The following MTUS2 variants were observed in gnomAD, a reference collection of about 807,000 sequenced individuals.
MTUS2 encodes microtubule-associated tumor suppressor candidate 2.
A neutral mutation model predicts 114.1 loss-of-function variants in MTUS2; 40 were observed. That is an observed-to-expected ratio of 0.35 (90% CI 0.27 to 0.46). The LOEUF (loss-of-function observed/expected upper bound fraction) is 0.46. Ranked by LOEUF, MTUS2 falls within the 20% of genes least tolerant of loss-of-function variation. The probability of loss-of-function intolerance (pLI) is 1.00; values close to 1 mark genes in which losing one functional copy is unlikely to be tolerated. For missense variants in MTUS2, 1,679 were observed against 1,705.4 expected, an observed-to-expected ratio of 0.98 and a Z score of 0.27; for synonymous variants, 688 against 672.0, an observed-to-expected ratio of 1.02 and a Z score of -0.37.
chr13:29,118,835 C>T (rs912647188), intron 5 of MTUS2, among the ~76,000 whole-genome samples: 2 of 152,128 alleles, frequency 1.3e-5, no homozygotes, highest in Admixed American at 1.3e-4. Flanking sequence ...ATCACATAAT[C>T]CCTGTGGGTG....
At chr13:29,387,987 A>G (rs950225987) in intron 8 of MTUS2, among the ~76,000 whole-genome samples, 9 of 152,292 alleles carry the variant, frequency 5.9e-5, no homozygotes, top group Non-Finnish European at 1.3e-4. Flanking sequence ...CACTCTGAAC[A>G]TGTGTTTACC....
At chr13:29,459,177 T>C (rs1406964488) in intron 9 of MTUS2, among the ~76,000 whole-genome samples, 1 of 152,166 alleles carries the variant, frequency 6.6e-6, no homozygotes. Context: ...GGGAAGCCAT[T>C]TTGGTTAAAA....
intron 9 of MTUS2, among the ~76,000 whole-genome samples, chr13:29,464,614 C>T (rs1041647065): frequency 6.6e-6 from 1 of 152,124 alleles, no homozygotes; most frequent in South Asian, 2.1e-4. Context: ...AGGGTGGTCC[C>T]TAGGGCAGCA....
At chr13:28,836,905 G>A (rs910457200) in intron 1 of MTUS2, among the ~76,000 whole-genome samples, 2 of 152,182 alleles carry the variant, frequency 1.3e-5, no homozygotes, top group African/African-American at 4.8e-5. Flanking sequence ...AGTAAGTGAT[G>A]AGGTGGGATT....
At chr13:29,488,190 C>G (rs181878039) in intron 11 of MTUS2, 185 bp downstream of exon 11, 1 of 591,326 alleles carries the variant, frequency 1.7e-6, no homozygotes, top group Non-Finnish European at 3.0e-6. Flanking sequence ...AGGTAGTTAG[C>G]TGCTTCTTTC....
chr13:29,101,618 C>G (rs1890422538), intron 5 of MTUS2, among the ~76,000 whole-genome samples: 1 of 152,182 alleles, frequency 6.6e-6, no homozygotes, highest in Admixed American at 6.5e-5. Context: ...GTTGCCCATT[C>G]AGCTGTGCCT....
chr13:29,007,383 C>T (rs969605252), intron 2 of MTUS2, among the ~76,000 whole-genome samples: 4 of 152,140 alleles, frequency 2.6e-5, no homozygotes, highest in African/African-American at 9.7e-5. Context: ...CCCAGGTCCA[C>T]CATTCTAAGA....
rs560769990 is a variant in MTUS2 at position 29,443,253 on chromosome 13, C to T, written c.3184+3204C>T. ...ACCAAAGATAAAAGATGGAAATTTC[C>T]ACTCCAGGGTGAATTTCTCCCTAGA... On this transcript the variant is annotated intron_variant, in intron 9 of 15. Coordinates refer to ENST00000612955, the MANE Select transcript of MTUS2 (RefSeq NM_001033602.4). 5.3e-5 allele frequency among the ~76,000 whole-genome samples: 8 copies of T among 152,298 alleles called. No individual in the cohort carries two copies. In the East Asian group the frequency reaches 1.5e-3, roughly 29 times the overall value.
intron 2 of MTUS2, among the ~76,000 whole-genome samples, chr13:28,864,631 T>G (rs1877187849): frequency 6.6e-6 from 1 of 152,238 alleles, no homozygotes; most frequent in South Asian, 2.1e-4. Context: ...GGCCTGAGAC[T>G]GTGCTTGATC....
chr13:28,857,152 C>T (rs1876684570), intron 2 of MTUS2, among the ~76,000 whole-genome samples: 2 of 152,212 alleles, frequency 1.3e-5, no homozygotes, highest in African/African-American at 4.8e-5. Flanking sequence ...GCTATTAATA[C>T]TGTTTCAAAG....
chr13:28,845,163 G>A (rs2138003884), intron 2 of MTUS2, among the ~76,000 whole-genome samples: 1 of 152,112 alleles, frequency 6.6e-6, no homozygotes, highest in East Asian at 1.9e-4. Context: ...ATCTTGCTGT[G>A]TTGCTCAAGC....
chr13:28,910,434 C>T (rs1880341758), intron 2 of MTUS2, among the ~76,000 whole-genome samples: 1 of 152,030 alleles, frequency 6.6e-6, no homozygotes. Context: ...AGGTTTGTTA[C>T]ATAGGTAAAC....
Position 29,025,118 on chromosome 13 carries a change from T to G in MTUS2, c.420T>G (p.Ser140Arg), listed in dbSNP as rs780747582. The change falls in exon 3 of 16, where the codon AGT becomes AGG. Residue 140 changes from serine to arginine, a missense_variant. Ser to Arg is a moderately radical substitution (Grantham distance 110). Coordinates refer to ENST00000612955, the MANE Select transcript of MTUS2 (RefSeq NM_001033602.4). ...PSLSSWRNVM[S>R]EASLDVLAKR... ...TGTCGAGTTGGAGGAATGTGATGAGTGAGGCCAGTCTAGACGTTTTGGCTA... is the reference window on the plus strand; with the variant it reads ...TGTCGAGTTGGAGGAATGTGATGAGGGAGGCCAGTCTAGACGTTTTGGCTA... 6.2e-7 allele frequency: 1 copy of G among 1,613,714 alleles called. No individual in the cohort carries two copies. Among genetic ancestry groups the G allele is most frequent in the South Asian group, 1.1e-5 (1 of 91,062 alleles).
At chr13:29,047,679 A>G (rs1055959519) in intron 4 of MTUS2, among the ~76,000 whole-genome samples, 43 of 151,864 alleles carry the variant, frequency 2.8e-4, no homozygotes, top group Non-Finnish European at 4.9e-4. Context: ...TCGCCCGGCT[A>G]ATTTTTTGTG....
chr13:28,954,875 G>T (rs1310345226), intron 2 of MTUS2, among the ~76,000 whole-genome samples: 2 of 152,080 alleles, frequency 1.3e-5, no homozygotes, highest in African/African-American at 4.8e-5. Flanking sequence ...TTGGAGTAGA[G>T]TCCATTCAGA....
At chr13:29,477,606 A>G (rs1035310635) in intron 9 of MTUS2, among the ~76,000 whole-genome samples, 2 of 152,234 alleles carry the variant, frequency 1.3e-5, no homozygotes, top group Non-Finnish European at 2.9e-5. Flanking sequence ...CAACCTCAGT[A>G]CAAGGTACCA....
At chr13:28,986,621 T>C (rs1241424353) in intron 2 of MTUS2, among the ~76,000 whole-genome samples, 1 of 152,146 alleles carries the variant, frequency 6.6e-6, no homozygotes, top group Admixed American at 6.5e-5. Flanking sequence ...AGGCATCAAG[T>C]TTGGCTGAGA....
At chr13:29,398,615 G>C (rs1025379324) in intron 8 of MTUS2, among the ~76,000 whole-genome samples, 4 of 151,980 alleles carry the variant, frequency 2.6e-5, no homozygotes, top group African/African-American at 9.7e-5. Flanking sequence ...ATCTAAATTG[G>C]AAATAAACTT....
intron 4 of MTUS2, among the ~76,000 whole-genome samples, chr13:29,046,480 G>T (rs751256382): frequency 6.6e-6 from 1 of 152,154 alleles, no homozygotes; most frequent in Non-Finnish European, 1.5e-5. Context: ...TGACATTATT[G>T]ATTACTCCTT....
Sources: gnomAD v4.1 joint callset for allele counts (sites outside exome capture counted in the v4.1 genomes callset) on GRCh38, gnomAD v4.1.1 for gene constraint, MANE v1.5 for transcripts, NCBI Gene and HGNC (gene_info 2026-07-23, HGNC 2026-07-21) for gene names.